NUP98: variants seen among roughly 807,000 people sequenced by gnomAD.
NUP98 encodes the protein nuclear pore complex protein Nup98-Nup96.
Under a neutral mutation model 191.9 loss-of-function variants are expected in NUP98, and 26 were observed. The ratio of observed to expected loss-of-function variants is 0.14; its 90% CI spans 0.10 to 0.19. The LOEUF (loss-of-function observed/expected upper bound fraction) is 0.19, where lower values mean the gene tolerates loss of function less well. Among genes scored for constraint, NUP98 ranks in the 10% least tolerant of loss-of-function variants. The probability of loss-of-function intolerance (pLI) is 1.00; values close to 1 mark genes in which losing one functional copy is unlikely to be tolerated. For missense variants in NUP98, 1,941 were observed against 2,178.8 expected (o/e 0.89, Z 2.17); for synonymous variants, 808 against 778.4 (o/e 1.04, Z -0.63).
At position 3,760,721 on chromosome 11, in the gene NUP98, G is replaced by C. The variant is rs2081134893; in HGVS notation, c.1087-95C>G. Reference sequence around the variant, plus strand: ...CTCAGGTATACTGGGTTGGGTATGGGGTGGGAGAAAGATGTCCTAACATTC... The same window carrying C: ...CTCAGGTATACTGGGTTGGGTATGGCGTGGGAGAAAGATGTCCTAACATTC... On this transcript the variant is annotated intron_variant, in intron 9 of 32. Coordinates refer to ENST00000324932, the MANE Select transcript of NUP98 (RefSeq NM_016320.5). 3.2e-6 allele frequency: 3 copies of C among 930,354 alleles called. No individual in the cohort carries two copies. In the East Asian group the frequency reaches 7.6e-5, roughly 23 times the overall value. 57.6% of individuals were successfully genotyped at this position (930,354 alleles called of 1,614,324 possible).
At chr11:3,724,758 G>A (rs1402440803) in intron 15 of NUP98, among the ~76,000 whole-genome samples, 2 of 104,434 alleles carry the variant, frequency 1.9e-5, no homozygotes, top group Non-Finnish European at 3.9e-5. Flanking sequence ...TCCAGCCTGG[G>A]CGACAGAGTG....
chr11:3,689,534 A>T (rs2078240578), intron 28 of NUP98, among the ~76,000 whole-genome samples: 1 of 152,132 alleles, frequency 6.6e-6, no homozygotes, highest in South Asian at 2.1e-4. Context: ...GTCTCAAAAA[A>T]AAAACCAAAA....
intron 20 of NUP98, among the ~76,000 whole-genome samples, chr11:3,708,848 C>T (rs755614830): frequency 2.0e-5 from 3 of 152,092 alleles, no homozygotes; most frequent in Non-Finnish European, 4.4e-5. Flanking sequence ...ACCATTTTAA[C>T]TCTCCCTTTC....
intron 20 of NUP98, among the ~76,000 whole-genome samples, 186 bp from the exon 21 acceptor site, chr11:3,706,813 C>T (rs1255906284): frequency 5.9e-5 from 9 of 152,196 alleles, no homozygotes. Context: ...TAAACCAGTA[C>T]TTTGATCCAA....
chr11:3,705,164 C>T, intron 22 of NUP98, 36 bp downstream of exon 22: 1 of 1,607,734 alleles, frequency 6.2e-7, no homozygotes, highest in Non-Finnish European at 8.5e-7. Context: ...GATGACTGTA[C>T]AGCTTTCTTG....
intron 1 of NUP98, among the ~76,000 whole-genome samples, chr11:3,794,650 G>A (rs1000420179): frequency 2.0e-5 from 3 of 152,094 alleles, no homozygotes; most frequent in African/African-American, 4.8e-5. Context: ...AGGGCCTCAC[G>A]CAGTTTCCCA....
intron 10 of NUP98, among the ~76,000 whole-genome samples, chr11:3,753,948 T>C (rs945035552): frequency 7.6e-5 from 11 of 145,620 alleles, no homozygotes; most frequent in African/African-American, 2.0e-4. Flanking sequence ...CGAAAACAAA[T>C]AAAAATAAAT....
chr11:3,776,751 C>T (rs1175499405), intron 4 of NUP98, among the ~76,000 whole-genome samples: 1 of 150,810 alleles, frequency 6.6e-6, no homozygotes, highest in African/African-American at 2.4e-5. Flanking sequence ...CTATGCCTCC[C>T]AAAGTGCTGG....
At position 3,683,215 on chromosome 11, in the gene NUP98, GGAT is replaced by G. The variant is rs751676177; in HGVS notation, c.4900_4902del (p.Ile1634del). 1.9e-6 allele frequency: 3 copies of G among 1,614,020 alleles called. No homozygotes were observed. The African/African-American group carries it at 4.0e-5, about 22-fold the overall frequency. On this transcript the variant is annotated inframe_deletion, in exon 30 of 33. Coordinates refer to ENST00000324932, the MANE Select transcript of NUP98 (RefSeq NM_016320.5). Reference sequence around the variant, plus strand: ...CAGCACTCACCAGAAGCTAAGTGTCGGATGATGAGCTTGTGGCAGCGGTTCCAG... The same window carrying G: ...CAGCACTCACCAGAAGCTAAGTGTCGGATGAGCTTGTGGCAGCGGTTCCAG...
chr11:3,732,005 T>C (rs1242775569), intron 13 of NUP98, among the ~76,000 whole-genome samples: 2 of 152,250 alleles, frequency 1.3e-5, no homozygotes, highest in African/African-American at 4.8e-5. Context: ...ACTGTCTTTA[T>C]TGTTCTAGAA....
chr11:3,743,936 G>A (rs958213003), intron 12 of NUP98, among the ~76,000 whole-genome samples: 1 of 151,962 alleles, frequency 6.6e-6, no homozygotes. Flanking sequence ...GCATGCACCT[G>A]TAATCCCAGC....
intron 27 of NUP98, among the ~76,000 whole-genome samples, chr11:3,692,550 G>A (rs1173969892): frequency 2.0e-5 from 3 of 151,582 alleles, no homozygotes; most frequent in East Asian, 3.9e-4. Flanking sequence ...AGCCGAGATC[G>A]CGCTACTGCA....
intron 18 of NUP98, among the ~76,000 whole-genome samples, chr11:3,717,389 T>C (rs1038589221): frequency 1.3e-5 from 2 of 152,244 alleles, no homozygotes; most frequent in Non-Finnish European, 2.9e-5. Context: ...TTTGCAGTTT[T>C]GTATAAACAA....
At chr11:3,769,240 C>T (rs2081437452) in intron 7 of NUP98, among the ~76,000 whole-genome samples, 1 of 152,090 alleles carries the variant, frequency 6.6e-6, no homozygotes, top group Non-Finnish European at 1.5e-5. Context: ...GCCTAGGCAA[C>T]ACAATGGGAC....
chr11:3,763,568 C>T (rs986226145), intron 8 of NUP98, among the ~76,000 whole-genome samples: 1 of 152,070 alleles, frequency 6.6e-6, no homozygotes. Flanking sequence ...GCCTTAATTC[C>T]TTTTTTTGAT....
At chr11:3,709,383 A>C (rs534798569) in intron 20 of NUP98, among the ~76,000 whole-genome samples, 1 of 152,242 alleles carries the variant, frequency 6.6e-6, no homozygotes, top group South Asian at 2.1e-4. Flanking sequence ...CACAAAAAAT[A>C]ATCACTTTTT....
intron 7 of NUP98, 48 bp downstream of exon 7, chr11:3,771,700 G>A: frequency 6.5e-7 from 1 of 1,530,718 alleles, no homozygotes; most frequent in Non-Finnish European, 9.0e-7. Flanking sequence ...TTTAGTTTTA[G>A]TTATCTGTCT....
chr11:3,717,012 T>C (rs1322974562), intron 18 of NUP98, among the ~76,000 whole-genome samples: 3 of 152,172 alleles, frequency 2.0e-5, no homozygotes, highest in Non-Finnish European at 4.4e-5. Flanking sequence ...AATATTAAGT[T>C]TTTTTCTTTG....
chr11:3,687,652 C>T (rs939730489), intron 28 of NUP98, among the ~76,000 whole-genome samples: 3 of 152,042 alleles, frequency 2.0e-5, no homozygotes, highest in South Asian at 2.1e-4. Context: ...AAAAAGAGGA[C>T]GCAATTATTG....
Sources: allele counts gnomAD v4.1 joint callset (sites outside exome capture counted in the v4.1 genomes callset), GRCh38; gene constraint gnomAD v4.1.1; transcripts MANE v1.5; gene names NCBI Gene and HGNC (gene_info 2026-07-23, HGNC 2026-07-21).